Variants in CCSER1 observed in about 807,000 individuals in gnomAD.
The protein encoded by CCSER1 is serine-rich coiled-coil domain-containing protein 1.
CCSER1 carries 41 observed loss-of-function variants against 82.0 expected under a neutral mutation model. The ratio of observed to expected loss-of-function variants is 0.50; its 90% CI spans 0.39 to 0.65. The LOEUF is 0.65. Ranked by LOEUF, CCSER1 falls within the 30% of genes least tolerant of loss-of-function variation. The pLI is 0.00. For missense variants in CCSER1, 1,119 were observed against 1,064.2 expected, an observed-to-expected ratio of 1.05 and a Z score of -0.72; for synonymous variants, 414 against 383.9, an observed-to-expected ratio of 1.08 and a Z score of -0.92.
chr4:91,578,805 T>G (rs1268759568), intron 10 of CCSER1, among the ~76,000 whole-genome samples: 2 of 151,990 alleles, frequency 1.3e-5, no homozygotes, highest in African/African-American at 4.8e-5. Context: ...CAGCTGGCAG[T>G]AGAATGTGGT....
chr4:90,220,511 G>A (rs532430072), intron 1 of CCSER1, among the ~76,000 whole-genome samples: 1 of 150,188 alleles, frequency 6.7e-6, no homozygotes, highest in East Asian at 2.0e-4. Flanking sequence ...AGATTTTAAT[G>A]AACAGGATTT....
At chr4:90,338,803 G>T (rs1229226622) in intron 3 of CCSER1, among the ~76,000 whole-genome samples, 1 of 152,140 alleles carries the variant, frequency 6.6e-6, no homozygotes, top group Non-Finnish European at 1.5e-5. Context: ...ATTCTTGACT[G>T]TTCAGCTATT....
chr4:91,086,733 G>C (rs565729904), intron 10 of CCSER1, among the ~76,000 whole-genome samples: 1 of 152,142 alleles, frequency 6.6e-6, no homozygotes, highest in Admixed American at 6.5e-5. Flanking sequence ...TCCATTTGTA[G>C]CTTCCTTTCT....
rs191734496 is a variant in CCSER1 at position 91,449,354 on chromosome 4, C to T, written c.2218-149218C>T. ...GTGGTAATTGAGAGTCCCAGGTTGA[C>T]ACCTAATTTTGAAGTTAAAAATTTG... On this transcript the variant is annotated intron_variant, in intron 10 of 10. Coordinates refer to ENST00000509176, the MANE Select transcript of CCSER1 (RefSeq NM_001145065.2). 4.3e-3 allele frequency among the ~76,000 whole-genome samples: 650 copies of T among 152,078 alleles called. 6 individuals are homozygous for T. The highest frequency in any genetic ancestry group is 0.015 in the African/African-American group (631 of 41,484).
chr4:90,443,290 T>C (rs2153574022), intron 4 of CCSER1, among the ~76,000 whole-genome samples: 1 of 152,248 alleles, frequency 6.6e-6, no homozygotes, highest in East Asian at 1.9e-4. Context: ...TCCAGCATCA[T>C]TATTCTTCTG....
At position 90,317,418 on chromosome 4, in the gene CCSER1, C is replaced by T. The variant is rs1387497491; in HGVS notation, c.1509+4371C>T. Among the ~76,000 whole-genome samples the T allele has an allele frequency of 3.3e-5, 5 of 151,814 alleles. No homozygotes were observed. In the East Asian group the frequency reaches 5.8e-4, roughly 18 times the overall value. On this transcript the variant is annotated intron_variant, in intron 3 of 10. Coordinates refer to ENST00000509176, the MANE Select transcript of CCSER1 (RefSeq NM_001145065.2). The stretch of plus-strand genomic sequence containing the variant: ...CTTGAGGTCAGGAGTTCAAGACCAG[C>T]GTGGCCAAGATGGTGAAACCCCGTC...
intron 9 of CCSER1, among the ~76,000 whole-genome samples, chr4:91,014,278 A>AT (rs1462051135): frequency 3.0e-5 from 4 of 134,222 alleles, no homozygotes; most frequent in African/African-American, 9.9e-5. Flanking sequence ...GCTTTCCAAC[A>AT]TTGACATATG....
chr4:91,024,440 C>A (rs991863929), intron 9 of CCSER1, among the ~76,000 whole-genome samples: 3 of 151,304 alleles, frequency 2.0e-5, no homozygotes, highest in African/African-American at 7.3e-5. Flanking sequence ...TTTTTAAATT[C>A]TGAGAAAAAC....
At position 90,852,844 on chromosome 4, in the gene CCSER1, A is replaced by G. The variant is rs138997308; in HGVS notation, c.2094+36999A>G. ...CAGAAACATATAAAAGTTTTTGTAT[A>G]TTAAAAAGAAACTGATATCTTACTA... On this transcript the variant is annotated intron_variant, in intron 8 of 10. Transcript: ENST00000509176. 2.9e-3 allele frequency among the ~76,000 whole-genome samples: 435 copies of G among 152,318 alleles called. 4 individuals carry two copies. The highest frequency in any genetic ancestry group is 0.01 in the African/African-American group (422 of 41,578).
chr4:90,901,840 C>T (rs1207634237), intron 8 of CCSER1, among the ~76,000 whole-genome samples: 1 of 152,006 alleles, frequency 6.6e-6, no homozygotes, highest in Non-Finnish European at 1.5e-5. Context: ...GTCAACCTCT[C>T]TAGAAAGGTT....
chr4:91,021,592 T>C (rs1008243002), intron 9 of CCSER1, among the ~76,000 whole-genome samples: 10 of 152,204 alleles, frequency 6.6e-5, no homozygotes, highest in African/African-American at 1.9e-4. Flanking sequence ...TTTGTGTCTT[T>C]TTCAATAGAA....
chr4:91,220,596 A>C (rs889900763), intron 10 of CCSER1, among the ~76,000 whole-genome samples: 5 of 152,182 alleles, frequency 3.3e-5, no homozygotes, highest in Non-Finnish European at 5.9e-5. Flanking sequence ...TTCTTTGTGT[A>C]AGTAGTTTAC....
chr4:90,341,423 C>A (rs796236212), intron 3 of CCSER1, among the ~76,000 whole-genome samples: 1 of 152,062 alleles, frequency 6.6e-6, no homozygotes, highest in Non-Finnish European at 1.5e-5. Context: ...TGAATTTTTA[C>A]TCTCGAGTTC....
intron 4 of CCSER1, among the ~76,000 whole-genome samples, chr4:90,456,192 A>C (rs1426988986): frequency 6.6e-6 from 1 of 152,048 alleles, no homozygotes; most frequent in South Asian, 2.1e-4. Flanking sequence ...TGGGGAAAAA[A>C]CCTTTTGCCC....
chr4:90,294,620 C>T (rs1273071499), intron 1 of CCSER1, among the ~76,000 whole-genome samples: 11 of 151,900 alleles, frequency 7.2e-5, no homozygotes, highest in South Asian at 2.1e-4. Flanking sequence ...CATTTACATG[C>T]GTATTTCTAT....
chr4:90,672,939 G>A lies in CCSER1; in HGVS notation c.1932+44707G>A, dbSNP rs1733082864. On this transcript the variant is annotated intron_variant, in intron 6 of 10. Coordinates refer to ENST00000509176, the MANE Select transcript of CCSER1 (RefSeq NM_001145065.2). The stretch of plus-strand genomic sequence containing the variant: ...GCCATTTTATGTGGCTGTGGTGTGT[G>A]GTACACCAAAAAAATTACAGTAGTA... Among the ~76,000 whole-genome samples, 4 of 151,780 alleles carry A rather than the reference G, an allele frequency of 2.6e-5. No individual in the cohort carries two copies. In the South Asian group the frequency reaches 6.2e-4, roughly 24 times the overall value.
chr4:90,633,975 T>C (rs1002627067), intron 6 of CCSER1, among the ~76,000 whole-genome samples: 2 of 151,834 alleles, frequency 1.3e-5, no homozygotes, highest in African/African-American at 4.8e-5. Context: ...TGTCACTTTA[T>C]TCTCTAGTAT....
At chr4:91,107,891 G>A (rs1725781424) in intron 10 of CCSER1, 1 of 152,024 alleles carries the variant, frequency 6.6e-6, no homozygotes, top group African/African-American at 2.4e-5. Flanking sequence ...GATCAGTAGG[G>A]ATTGAGTGAG....
At chr4:91,222,599 C>A (rs1313294323) in intron 10 of CCSER1, among the ~76,000 whole-genome samples, 1 of 152,100 alleles carries the variant, frequency 6.6e-6, no homozygotes, top group Non-Finnish European at 1.5e-5. Context: ...CTATATTCAA[C>A]TTTAAAGCCA....
Sources: allele counts gnomAD v4.1 joint callset (sites outside exome capture counted in the v4.1 genomes callset), GRCh38; gene constraint gnomAD v4.1.1; transcripts MANE v1.5; gene names NCBI Gene and HGNC (gene_info 2026-07-23, HGNC 2026-07-21).